The following DCC variants were observed in gnomAD, a reference collection of about 807,000 sequenced individuals.
DCC encodes DCC netrin 1 receptor, also known as netrin receptor DCC.
Under a neutral mutation model 172.5 loss-of-function variants are expected in DCC, and 58 were observed. That is an observed-to-expected ratio of 0.34 (90% confidence interval 0.27 to 0.42). The LOEUF (loss-of-function observed/expected upper bound fraction) is 0.42. DCC is among the 10% of genes least tolerant of loss of function. DCC has a pLI of 1.00. For missense variants in DCC, 1,740 were observed against 1,791.0 expected (o/e 0.97, Z 0.51); for synonymous variants, 709 against 644.5 (o/e 1.10, Z -1.52).
chr18:52,969,576 CG>C (rs202220817), intron 5 of DCC, among the ~76,000 whole-genome samples: 2 of 84,354 alleles, frequency 2.4e-5, no homozygotes. Flanking sequence ...TTATTTGCCC[CG>C]CCCCCCACTC....
In DCC at chr18:52,770,282, T is replaced by G. The variant is rs117248904; in HGVS notation, c.412+17908T>G. Among the ~76,000 whole-genome samples, 557 of 152,288 alleles carry G rather than the reference T, an allele frequency of 3.7e-3. 30 individuals carry two copies. In the East Asian group the frequency reaches 0.094, roughly 26 times the overall value. ...TCCTCCCACATCAAGTCTTGGACTA[T>G]GGAGTAATTTCGTGGAAATCCTAAA... is the stretch of plus-strand genomic sequence containing the variant. On this transcript the variant is annotated intron_variant, in intron 2 of 28. Transcript: ENST00000442544.
At chr18:52,466,290 A>G (rs1988783082) in intron 1 of DCC, among the ~76,000 whole-genome samples, 1 of 152,208 alleles carries the variant, frequency 6.6e-6, no homozygotes, top group Admixed American at 6.5e-5. Flanking sequence ...GGTGGGTCTA[A>G]CATAAAAATA....
chr18:53,170,374 T>A (rs1188327437), intron 8 of DCC, among the ~76,000 whole-genome samples: 1 of 152,252 alleles, frequency 6.6e-6, no homozygotes, highest in Non-Finnish European at 1.5e-5. Flanking sequence ...TCACTCTTTT[T>A]GTTTTGATTT....
intron 2 of DCC, among the ~76,000 whole-genome samples, chr18:52,890,043 C>T (rs1211166641): frequency 6.6e-6 from 1 of 152,120 alleles, no homozygotes; most frequent in Non-Finnish European, 1.5e-5. Flanking sequence ...AATATGGTAT[C>T]TGTACCAATA....
At chr18:52,396,504 T>A (rs550954618) in intron 1 of DCC, among the ~76,000 whole-genome samples, 1 of 152,072 alleles carries the variant, frequency 6.6e-6, no homozygotes, top group Non-Finnish European at 1.5e-5. Flanking sequence ...AACAGATGAC[T>A]GTTAGTTCCT....
chr18:52,846,652 CTT>C (rs1447418258), intron 2 of DCC, among the ~76,000 whole-genome samples: 6 of 148,282 alleles, frequency 4.0e-5, no homozygotes, highest in East Asian at 4.0e-4. Flanking sequence ...CACACACACA[CTT>C]GGGGATACTT....
intron 10 of DCC, among the ~76,000 whole-genome samples, chr18:53,206,517 C>A (rs2055646524): frequency 7.7e-6 from 1 of 129,634 alleles, no homozygotes; most frequent in African/African-American, 2.9e-5. Flanking sequence ...TATGTATATA[C>A]ATGTATTATA....
chr18:52,378,494 G>T (rs1985449466), intron 1 of DCC, among the ~76,000 whole-genome samples: 3 of 152,042 alleles, frequency 2.0e-5, no homozygotes, highest in Admixed American at 1.3e-4. Context: ...GTATAATCTT[G>T]TTTGTGAGGC....
chr18:52,962,115 A>G (rs1176231812), intron 5 of DCC, among the ~76,000 whole-genome samples: 1 of 150,000 alleles, frequency 6.7e-6, no homozygotes, highest in Non-Finnish European at 1.5e-5. Context: ...AATGGGATCT[A>G]ATTAAACTAA....
rs187669416 is a variant in DCC, at chr18:52,512,988, G to A, written c.91+172110G>A. On this transcript the variant is annotated intron_variant, in intron 1 of 28. Coordinates refer to ENST00000442544, the MANE Select transcript of DCC (RefSeq NM_005215.4). ...AAGATGGCTTATACCAATAGAGAGG[G>A]AGCTAGGAGTAGAAAATATAGATCC... is the stretch of plus-strand genomic sequence containing the variant. Among the ~76,000 whole-genome samples the A allele has an allele frequency of 4.2e-3, 639 of 152,256 alleles. 1 individual carries two copies. Among genetic ancestry groups the A allele is most frequent in the Non-Finnish European group, 6.8e-3 (465 of 68,018 alleles).
intron 2 of DCC, among the ~76,000 whole-genome samples, chr18:52,812,814 C>G (rs930044482): frequency 2.6e-5 from 4 of 152,198 alleles, no homozygotes; most frequent in Non-Finnish European, 5.9e-5. Context: ...TTCAACAGAT[C>G]TTAGCAACTA....
intron 5 of DCC, among the ~76,000 whole-genome samples, chr18:53,037,967 C>T (rs1303994431): frequency 1.3e-5 from 2 of 151,802 alleles, no homozygotes; most frequent in Non-Finnish European, 2.9e-5. Context: ...AACGTAAGAA[C>T]ATTATGTCAA....
chr18:52,777,448 G>A (rs2037454236), intron 2 of DCC, among the ~76,000 whole-genome samples: 1 of 151,808 alleles, frequency 6.6e-6, no homozygotes, highest in Middle Eastern at 3.2e-3. Context: ...CCCTCTGTAT[G>A]TCCATCTCAA....
At chr18:53,521,852 T>A (rs1173637638) in intron 27 of DCC, among the ~76,000 whole-genome samples, 1 of 152,042 alleles carries the variant, frequency 6.6e-6, no homozygotes, top group Non-Finnish European at 1.5e-5. Flanking sequence ...AAGTAAAAGA[T>A]GTGTGAAAAA....
At chr18:53,455,731 G>A (rs1286342002) in intron 23 of DCC, among the ~76,000 whole-genome samples, 3 of 151,952 alleles carry the variant, frequency 2.0e-5, no homozygotes, top group Non-Finnish European at 4.4e-5. Context: ...GTATCTATTT[G>A]GGCCAAGGCC....
At chr18:53,502,073 C>CA (rs1467510708) in intron 27 of DCC, among the ~76,000 whole-genome samples, 3 of 152,214 alleles carry the variant, frequency 2.0e-5, no homozygotes, top group South Asian at 2.1e-4. Context: ...GGCAACAAGG[C>CA]AAAATCTCGT....
rs192201913 is a variant in DCC at position 53,438,937 on chromosome 18, C to T, written c.3229+3728C>T. 5.3e-4 allele frequency among the ~76,000 whole-genome samples: 81 copies of T among 152,226 alleles called. 1 individual carries two copies. The South Asian group carries it at 6.8e-3, about 13-fold the overall frequency. ...CAGTAGCTTTGAAGCAGTTTAGATG[C>T]GTTATTGACATTACTTCTTCCCAAT... is the stretch of plus-strand genomic sequence containing the variant. On this transcript the variant is annotated intron_variant, in intron 22 of 28. Coordinates refer to ENST00000442544, the MANE Select transcript of DCC (RefSeq NM_005215.4).
chr18:52,526,291 C>G (rs1046850321), intron 1 of DCC, among the ~76,000 whole-genome samples: 3 of 152,098 alleles, frequency 2.0e-5, no homozygotes, highest in African/African-American at 7.2e-5. Flanking sequence ...GGGGAGGAGA[C>G]AGATGGCCAA....
At chr18:52,507,877 G>A (rs1477255415) in intron 1 of DCC, among the ~76,000 whole-genome samples, 1 of 152,100 alleles carries the variant, frequency 6.6e-6, no homozygotes, top group African/African-American at 2.4e-5. Context: ...GAGGCAGGTG[G>A]ATCACCTGAG....
Sources: gnomAD v4.1 joint callset for allele counts (sites outside exome capture counted in the v4.1 genomes callset) on GRCh38, gnomAD v4.1.1 for gene constraint, MANE v1.5 for transcripts, NCBI Gene and HGNC (gene_info 2026-07-23, HGNC 2026-07-21) for gene names.